The following KCNAB1 variants were observed in gnomAD, a reference collection of about 807,000 sequenced individuals.
The protein encoded by KCNAB1 is voltage-gated potassium channel subunit beta-1.
In KCNAB1, 35 loss-of-function variants were observed where a neutral mutation model predicts 64.6. That is an observed-to-expected ratio of 0.54 (90% CI 0.41 to 0.72). The LOEUF (loss-of-function observed/expected upper bound fraction) is 0.72, where lower values mean the gene tolerates loss of function less well. KCNAB1 is among the 30% of genes least tolerant of loss of function. KCNAB1 has a pLI of 0.00. For synonymous variants in KCNAB1, 177 were observed against 183.8 expected, an observed-to-expected ratio of 0.96 and a Z score of 0.30; for missense variants, 401 against 512.9, an observed-to-expected ratio of 0.78 and a Z score of 2.11.
At chr3:156,494,191 A>G (rs1715837473) in intron 8 of KCNAB1, among the ~76,000 whole-genome samples, 1 of 152,260 alleles carries the variant, frequency 6.6e-6, no homozygotes, top group Non-Finnish European at 1.5e-5. Flanking sequence ...TGCTGTAAAA[A>G]AGAACTCTCT....
At position 156,516,261 on chromosome 3, in the gene KCNAB1, CT is replaced by C; in HGVS notation, c.866-7del. On this transcript the variant is annotated splice_polypyrimidine_tract_variant and splice_region_variant and intron_variant, in intron 10 of 13. Coordinates refer to ENST00000490337, the MANE Select transcript of KCNAB1 (RefSeq NM_172160.3). ...GCACAAGCAACTTTCTAAGTTTTTT[CT>C]TCTGTAGGTGTTGGCGCAATGACAT... is the stretch of plus-strand genomic sequence containing the variant. 6.2e-7 allele frequency: 1 copy of C among 1,609,446 alleles called. No homozygotes were observed. Among genetic ancestry groups the C allele is most frequent in the Non-Finnish European group, 8.5e-7 (1 of 1,175,910 alleles).
At chr3:156,321,795 T>G (rs1722679097) in intron 1 of KCNAB1, among the ~76,000 whole-genome samples, 1 of 152,208 alleles carries the variant, frequency 6.6e-6, no homozygotes, top group Non-Finnish European at 1.5e-5. Flanking sequence ...TAAAACTGTG[T>G]TTTAAAGAAA....
chr3:156,178,051 C>G (rs548509557), intron 1 of KCNAB1, among the ~76,000 whole-genome samples: 1 of 152,242 alleles, frequency 6.6e-6, no homozygotes, highest in South Asian at 2.1e-4. Context: ...CCAAATTTTA[C>G]ATACAATTTT....
intron 1 of KCNAB1, among the ~76,000 whole-genome samples, chr3:156,292,716 T>A (rs931943632): frequency 6.6e-6 from 1 of 152,174 alleles, no homozygotes; most frequent in African/African-American, 2.4e-5. Context: ...TCATTTTTTA[T>A]GTTTTTAATA....
chr3:156,474,888 A>G (rs1714226769), intron 8 of KCNAB1, 68 bp downstream of exon 8: 2 of 1,164,390 alleles, frequency 1.7e-6, no homozygotes, highest in Non-Finnish European at 2.6e-6. Flanking sequence ...TTCTGCTCAC[A>G]GCAGGAAATG....
intron 1 of KCNAB1, among the ~76,000 whole-genome samples, chr3:156,260,444 CCCAGCAA>C (rs954613356): frequency 6.6e-6 from 1 of 152,162 alleles, no homozygotes; most frequent in African/African-American, 2.4e-5. Context: ...CACTCCCAGC[CCCAGCAA>C]CCACTAATCT....
In KCNAB1 at chr3:156,422,770, T is replaced by C. The variant is rs1044766150; in HGVS notation, c.319+1111T>C. Among the ~76,000 whole-genome samples, 7 of 152,210 alleles carry C rather than the reference T, an allele frequency of 4.6e-5. No homozygotes were observed. In the East Asian group the frequency reaches 9.6e-4, roughly 21 times the overall value. ...GATGAGAGCACTAAGGGTGTGCTTATAGACAGAATAGAAAACAGAGGCACA... is the reference window on the plus strand; with the variant it reads ...GATGAGAGCACTAAGGGTGTGCTTACAGACAGAATAGAAAACAGAGGCACA... On this transcript the variant is annotated intron_variant, in intron 2 of 13. Transcript: ENST00000490337.
intron 1 of KCNAB1, among the ~76,000 whole-genome samples, chr3:156,366,820 C>A (rs1392123515): frequency 7.2e-5 from 11 of 152,176 alleles, no homozygotes; most frequent in Admixed American, 6.5e-4. Flanking sequence ...CCACTTTGCT[C>A]AACAGTGACC....
chr3:156,205,339 G>C (rs942395967), intron 1 of KCNAB1, among the ~76,000 whole-genome samples: 1 of 151,990 alleles, frequency 6.6e-6, no homozygotes, highest in Non-Finnish European at 1.5e-5. Flanking sequence ...TTTTTGGTTT[G>C]AATTTATTAT....
intron 1 of KCNAB1, among the ~76,000 whole-genome samples, chr3:156,398,320 C>T (rs1006324604): frequency 2.0e-5 from 3 of 152,084 alleles, no homozygotes; most frequent in Non-Finnish European, 4.4e-5. Context: ...GGGCCAGGCG[C>T]GGTGGCTCAC....
rs139319588 is a variant in KCNAB1 at position 156,463,732 on chromosome 3, C to G, written c.513C>G (p.Leu171=). ...RRSSLVITTK[L]YWGGKAETER... ...CCAGTCTGGTCATAACAACCAAACT[C>G]TACTGGGGTGGAAAGTAAGTTATTT... is the stretch of plus-strand genomic sequence containing the variant. The change falls in exon 6 of 14, where the codon CTC becomes CTG. Residue 171 remains leucine, a synonymous_variant. Transcript: ENST00000490337. 7.4e-5 allele frequency: 118 copies of G among 1,603,954 alleles called. No individual in the cohort carries two copies. Among genetic ancestry groups the G allele is most frequent in the Non-Finnish European group, 9.2e-5 (108 of 1,176,862 alleles).
intron 1 of KCNAB1, among the ~76,000 whole-genome samples, chr3:156,248,588 T>A (rs755727593): frequency 5.9e-5 from 9 of 151,722 alleles, no homozygotes; most frequent in Non-Finnish European, 7.4e-5. Flanking sequence ...TAGTTAAGAC[T>A]CTCTGGGGTT....
intron 1 of KCNAB1, among the ~76,000 whole-genome samples, chr3:156,124,506 C>T (rs1015658075): frequency 6.6e-6 from 1 of 151,978 alleles, no homozygotes; most frequent in Admixed American, 6.6e-5. Flanking sequence ...TGTGAGCCAC[C>T]GTGCCTGGCC....
chr3:156,165,014 A>G (rs575414596), intron 1 of KCNAB1, among the ~76,000 whole-genome samples: 1 of 152,030 alleles, frequency 6.6e-6, no homozygotes, highest in Non-Finnish European at 1.5e-5. Flanking sequence ...GCGGTGGCTC[A>G]ACGCCTGTAA....
intron 1 of KCNAB1, among the ~76,000 whole-genome samples, chr3:156,271,686 G>C (rs1441146865): frequency 6.6e-6 from 1 of 152,114 alleles, no homozygotes; most frequent in Admixed American, 6.6e-5. Context: ...TCCAGGATTG[G>C]TCCCTGGTGC....
chr3:156,182,245 CTA>C (rs1487245674), intron 1 of KCNAB1, among the ~76,000 whole-genome samples: 1 of 152,136 alleles, frequency 6.6e-6, no homozygotes, highest in Non-Finnish European at 1.5e-5. Context: ...TGTGGATTGT[CTA>C]AAACTCACAG....
At chr3:156,474,419 T>A (rs1714181419) in intron 7 of KCNAB1, among the ~76,000 whole-genome samples, 1 of 152,218 alleles carries the variant, frequency 6.6e-6, no homozygotes, top group African/African-American at 2.4e-5. Context: ...GGAAAGAAGC[T>A]GCTTTTTATT....
chr3:156,536,606 G>A (rs937744218), intron 13 of KCNAB1, 52 bp from the exon 14 acceptor site: 14 of 1,281,370 alleles, frequency 1.1e-5, no homozygotes, highest in South Asian at 3.6e-5. Context: ...ACAAAAAACC[G>A]AATGATCAAC....
In KCNAB1 at chr3:156,132,980, A is replaced by T. The variant is rs1714091085; in HGVS notation, c.275+12094A>T. Among the ~76,000 whole-genome samples the T allele has an allele frequency of 2.0e-5, 3 of 152,234 alleles. No homozygotes were observed. In the South Asian group the frequency reaches 6.2e-4, roughly 32 times the overall value. The stretch of plus-strand genomic sequence containing the variant: ...AATTTGGAGAATAATAGGTTAAGAA[A>T]ATATGGTTTGTATACAAGAGACTTT... On this transcript the variant is annotated intron_variant, in intron 1 of 13. Coordinates refer to ENST00000490337, the MANE Select transcript of KCNAB1 (RefSeq NM_172160.3).
Sources: gnomAD v4.1 joint callset for allele counts (sites outside exome capture counted in the v4.1 genomes callset) on GRCh38, gnomAD v4.1.1 for gene constraint, MANE v1.5 for transcripts, NCBI Gene and HGNC (gene_info 2026-07-23, HGNC 2026-07-21) for gene names.